The following SLC44A1 variants were observed in gnomAD, a reference collection of about 807,000 sequenced individuals.
SLC44A1 encodes the protein solute carrier family 44 member 1.
SLC44A1 carries 26 observed loss-of-function variants against 79.3 expected under a neutral mutation model. That is an observed-to-expected ratio of 0.33 (90% CI 0.24 to 0.46). The LOEUF (loss-of-function observed/expected upper bound fraction) is 0.46, where lower values mean the gene tolerates loss of function less well. SLC44A1 is among the 20% of genes least tolerant of loss of function. SLC44A1 has a pLI of 1.00. For missense variants in SLC44A1, 688 were observed against 798.1 expected, an observed-to-expected ratio of 0.86 and a Z score of 1.66; for synonymous variants, 263 against 286.2, an observed-to-expected ratio of 0.92 and a Z score of 0.82.
chr9:105,271,221 G>C (rs946676430), intron 1 of SLC44A1, among the ~76,000 whole-genome samples: 3 of 152,152 alleles, frequency 2.0e-5, no homozygotes, highest in Non-Finnish European at 4.4e-5. Flanking sequence ...TTGGATTCCT[G>C]CTGTCAGACC....
intron 5 of SLC44A1, among the ~76,000 whole-genome samples, chr9:105,353,377 G>C (rs926562120): frequency 2.0e-5 from 3 of 152,248 alleles, no homozygotes; most frequent in Admixed American, 1.3e-4. Context: ...TTTTCATTTT[G>C]AGAGTTCTGG....
Position 105,393,304 on chromosome 9 carries a change from C to T in SLC44A1, c.*4248C>T. On this transcript the variant is annotated 3_prime_UTR_variant, in exon 16 of 16. Transcript: ENST00000374720. ...CAGTAGCTTCTTGGAATTAACTCAT[C>T]TTTGTTAACTTAGTGGCACATAGTC... is the stretch of plus-strand genomic sequence containing the variant. 1 of 985,416 alleles carries T rather than the reference C, an allele frequency of 1.0e-6. No homozygotes were observed. The highest frequency in any genetic ancestry group is 1.2e-6 in the Non-Finnish European group (1 of 829,918). 61.0% of individuals were successfully genotyped at this position (985,416 alleles called of 1,614,324 possible).
chr9:105,374,798 T>C, intron 13 of SLC44A1, 63 bp downstream of exon 13: 2 of 1,368,338 alleles, frequency 1.5e-6, no homozygotes, highest in Non-Finnish European at 2.0e-6. Context: ...TTTGCTCTTT[T>C]ATTTTAAAAA....
chr9:105,316,411 A>T (rs1224157028), intron 3 of SLC44A1, among the ~76,000 whole-genome samples: 1 of 152,238 alleles, frequency 6.6e-6, no homozygotes, highest in Non-Finnish European at 1.5e-5. Flanking sequence ...ACCAGTATGT[A>T]CAGCATGATT....
At chr9:105,315,267 GTTTGT>G (rs1474751344) in intron 3 of SLC44A1, among the ~76,000 whole-genome samples, 58 of 110,500 alleles carry the variant, frequency 5.2e-4, no homozygotes, top group African/African-American at 2.5e-3. Flanking sequence ...GCGTTTTTTT[GTTTGT>G]TTTTTTTTTT....
chr9:105,270,382 A>T (rs539764016), intron 1 of SLC44A1, among the ~76,000 whole-genome samples: 1 of 152,042 alleles, frequency 6.6e-6, no homozygotes, highest in East Asian at 1.9e-4. Flanking sequence ...TTCTCCACTC[A>T]ATAGCCTGAG....
intron 3 of SLC44A1, among the ~76,000 whole-genome samples, chr9:105,325,867 AC>A: frequency 6.6e-6 from 1 of 152,204 alleles, no homozygotes; most frequent in Non-Finnish European, 1.5e-5. Flanking sequence ...TATACTTAAA[AC>A]ATTGAATTGC....
intron 15 of SLC44A1, among the ~76,000 whole-genome samples, chr9:105,424,509 C>A (rs911272111): frequency 6.6e-6 from 1 of 152,200 alleles, no homozygotes; most frequent in East Asian, 1.9e-4. Context: ...TGTTAGTAGT[C>A]ATCCTGAATG....
At chr9:105,438,347 G>A in exon 16 of SLC44A1, 1 of 1,449,446 alleles carries the variant, frequency 6.9e-7, no homozygotes, top group Non-Finnish European at 9.5e-7. Flanking sequence ...TTTACATGAG[G>A]TTCTCCCACT....
intron 15 of SLC44A1, among the ~76,000 whole-genome samples, chr9:105,420,906 C>T (rs1348673071): frequency 2.1e-5 from 3 of 141,042 alleles, no homozygotes; most frequent in East Asian, 2.1e-4. Flanking sequence ...TCTAGATAGA[C>T]GTGCTGTTGT....
intron 6 of SLC44A1, 51 bp from the exon 7 acceptor site, chr9:105,358,292 AT>A: frequency 1.9e-6 from 2 of 1,048,956 alleles, no homozygotes; most frequent in Admixed American, 1.9e-5. Context: ...TTTTATTTGT[AT>A]TTACCTGCAT....
intron 3 of SLC44A1, among the ~76,000 whole-genome samples, chr9:105,311,594 T>C (rs1028979370): frequency 6.6e-6 from 1 of 152,226 alleles, no homozygotes; most frequent in East Asian, 1.9e-4. Context: ...AGGCTACTTA[T>C]GATTCTGAAA....
chr9:105,395,065 T>A lies in SLC44A1; in HGVS notation c.*6009T>A. 1 of 985,436 alleles carries A rather than the reference T, an allele frequency of 1.0e-6. No individual in the cohort carries two copies. Among genetic ancestry groups the A allele is most frequent in the Non-Finnish European group, 1.2e-6 (1 of 829,946 alleles). The allele number at this position is 985,436 out of a possible 1,614,324, so 61.0% of individuals were successfully genotyped here. ...GGTTTGAAGTTCTTGTGAAATTTGA[T>A]CCCAGTGGCTCATGACTTATAGTCA... On this transcript the variant is annotated 3_prime_UTR_variant, in exon 16 of 16. Transcript: ENST00000374720.
At chr9:105,313,255 A>G (rs889375434) in intron 3 of SLC44A1, among the ~76,000 whole-genome samples, 1 of 152,176 alleles carries the variant, frequency 6.6e-6, no homozygotes, top group African/African-American at 2.4e-5. Context: ...TTGTTATTCT[A>G]CTGCCTTCAG....
Position 105,395,248 on chromosome 9 carries a change from C to T in SLC44A1, c.*6192C>T, listed in dbSNP as rs1019162180. 11 of 934,840 alleles carry T rather than the reference C, an allele frequency of 1.2e-5. No individual in the cohort carries two copies. In the African/African-American group the frequency reaches 1.8e-4, roughly 15 times the overall value. The allele number at this position is 934,840 out of a possible 1,614,324, so 57.9% of individuals were successfully genotyped here. A position where few individuals can be genotyped will look rare whatever the true frequency, so the allele number is the denominator to read the frequency against. On this transcript the variant is annotated 3_prime_UTR_variant, in exon 16 of 16. Coordinates refer to ENST00000374720, the MANE Select transcript of SLC44A1 (RefSeq NM_080546.5). ...TTTTGGTGTTTTTTTGAGACGGAGTCTCGCTCTATCGCCAGCTTAGAGTGC... is the reference window on the plus strand; with the variant it reads ...TTTTGGTGTTTTTTTGAGACGGAGTTTCGCTCTATCGCCAGCTTAGAGTGC...
chr9:105,430,068 C>T (rs969916476), intron 15 of SLC44A1, among the ~76,000 whole-genome samples: 6 of 152,070 alleles, frequency 3.9e-5, no homozygotes, highest in African/African-American at 1.2e-4. Flanking sequence ...CGCCAATGCC[C>T]GGCGAATTTT....
chr9:105,356,986 A>G (rs1352945993), intron 6 of SLC44A1, among the ~76,000 whole-genome samples: 1 of 152,212 alleles, frequency 6.6e-6, no homozygotes, highest in Non-Finnish European at 1.5e-5. Context: ...ATCAGAATGT[A>G]TAGGCCTTCT....
intron 15 of SLC44A1, among the ~76,000 whole-genome samples, chr9:105,410,234 A>T (rs1435692655): frequency 6.6e-6 from 1 of 152,168 alleles, no homozygotes; most frequent in East Asian, 1.9e-4. Context: ...GATAAATTGG[A>T]CTTCATCAAA....
intron 15 of SLC44A1, among the ~76,000 whole-genome samples, chr9:105,411,456 G>A (rs1210625007): frequency 6.9e-6 from 1 of 144,112 alleles, no homozygotes; most frequent in African/African-American, 2.8e-5. Context: ...CTGTGTATGT[G>A]TGTGTGTGTG....
Sources: allele counts gnomAD v4.1 joint callset (sites outside exome capture counted in the v4.1 genomes callset), GRCh38; gene constraint gnomAD v4.1.1; transcripts MANE v1.5; gene names NCBI Gene and HGNC (gene_info 2026-07-23, HGNC 2026-07-21).